The following VPS37A variants were observed in gnomAD, a reference collection of about 807,000 sequenced individuals.
VPS37A encodes the protein VPS37A subunit of ESCRT-I, also known as vacuolar protein sorting-associated protein 37A.
VPS37A carries 30 observed loss-of-function variants against 49.8 expected under a neutral mutation model. The ratio of observed to expected loss-of-function variants is 0.60; its 90% CI spans 0.45 to 0.82. The LOEUF (loss-of-function observed/expected upper bound fraction) is 0.82. VPS37A is among the 40% of genes least tolerant of loss of function. The pLI is 0.00. For missense variants in VPS37A, 593 were observed against 464.4 expected (o/e 1.28, Z -2.55); for synonymous variants, 195 against 160.6 (o/e 1.21, Z -1.62).
intron 11 of VPS37A, among the ~76,000 whole-genome samples, chr8:17,294,423 T>C (rs1468687166): frequency 6.6e-6 from 1 of 152,176 alleles, no homozygotes; most frequent in Non-Finnish European, 1.5e-5. Context: ...CAAGACCATT[T>C]GGCTCCCTGG....
downstream of VPS37A, chr8:17,298,546 A>T (rs192888656): frequency 2.1e-3 from 320 of 152,470 alleles, 1 homozygote; most frequent in Non-Finnish European, 2.3e-3. Flanking sequence ...TTCTCCCATT[A>T]AAAAAAATCA....
downstream of VPS37A, chr8:17,302,267 T>A: frequency 6.2e-7 from 1 of 1,613,448 alleles, no homozygotes; most frequent in South Asian, 1.1e-5. Context: ...CGGTTATACA[T>A]TCCACTCCAA....
intron 11 of VPS37A, among the ~76,000 whole-genome samples, chr8:17,292,390 C>A (rs1380912358): frequency 6.6e-6 from 1 of 152,148 alleles, no homozygotes; most frequent in African/African-American, 2.4e-5. Context: ...TTCCTGAATA[C>A]AGCATACTGA....
chr8:17,308,362 G>C, the VPS37A span, among the ~76,000 whole-genome samples: 1 of 151,998 alleles, frequency 6.6e-6, no homozygotes, highest in African/African-American at 2.4e-5. Flanking sequence ...TTATCTAATT[G>C]GGGGCTTTAA....
chr8:17,300,094 C>T (rs760329234), downstream of VPS37A: 17 of 1,614,132 alleles, frequency 1.1e-5, no homozygotes, highest in Non-Finnish European at 1.4e-5. Context: ...TTTCATATTC[C>T]CACTGTAATC....
chr8:17,307,004 A>T (rs1260951930), downstream of VPS37A, among the ~76,000 whole-genome samples: 2 of 152,244 alleles, frequency 1.3e-5, no homozygotes, highest in Non-Finnish European at 2.9e-5. Flanking sequence ...CTAAAACACC[A>T]AAAGCAATGG....
intron 1 of VPS37A, among the ~76,000 whole-genome samples, chr8:17,251,212 G>C (rs1311973439): frequency 1.3e-5 from 2 of 152,122 alleles, no homozygotes; most frequent in Non-Finnish European, 2.9e-5. Context: ...CAGGACTCTT[G>C]GTTAGTGGGA....
intron 2 of VPS37A, among the ~76,000 whole-genome samples, chr8:17,267,467 T>TTGAG (rs1813577120): frequency 6.6e-6 from 1 of 151,322 alleles, no homozygotes; most frequent in Admixed American, 6.6e-5. Flanking sequence ...AAATTTCTGC[T>TTGAG]TGTGTGTGTG....
intron 1 of VPS37A, among the ~76,000 whole-genome samples, chr8:17,252,784 A>T (rs562699591): frequency 6.6e-5 from 10 of 152,222 alleles, no homozygotes; most frequent in Non-Finnish European, 1.3e-4. Flanking sequence ...AAACTTCTTT[A>T]TGGAAGGAAA....
At chr8:17,283,190 C>G (rs562060495) in intron 9 of VPS37A, among the ~76,000 whole-genome samples, 143 of 151,966 alleles carry the variant, frequency 9.4e-4, no homozygotes, top group Admixed American at 2.6e-3. Flanking sequence ...TTTTCTTACT[C>G]TGTCACCCAG....
At chr8:17,276,329 T>C (rs1563269254) in intron 5 of VPS37A, 68 bp from the exon 6 acceptor site, 1 of 1,246,378 alleles carries the variant, frequency 8.0e-7, no homozygotes, top group East Asian at 2.4e-5. Context: ...AAAGATTACG[T>C]TTATTAGTAA....
In VPS37A at chr8:17,280,066, T is replaced by C. The variant is rs1814897044; in HGVS notation, c.752T>C (p.Val251Ala). The change falls in exon 7 of 12, where the codon GTA (valine) becomes GCA (alanine). Residue 251 changes from valine to alanine, a missense_variant. By Grantham distance (64) the Val-to-Ala change is moderately conservative. Coordinates refer to ENST00000324849, the MANE Select transcript of VPS37A (RefSeq NM_152415.3). ...QLTDMNEQEE[V>A]LLEQFLTLPQ... ...ACAGATATGAATGAACAAGAGGAGG[T>C]ATTACTAGAACAGTTTCTGACTTTG... is the stretch of plus-strand genomic sequence containing the variant. 1 of 1,612,292 alleles carries C rather than the reference T, an allele frequency of 6.2e-7. No homozygotes were observed. The highest frequency in any genetic ancestry group is 8.5e-7 in the Non-Finnish European group (1 of 1,179,190).
rs755488554 is a variant in VPS37A, at chr8:17,286,342, T to C, written c.1114-5T>C. 9 of 1,611,860 alleles carry C rather than the reference T, an allele frequency of 5.6e-6. No homozygotes were observed. The highest frequency in any genetic ancestry group is 6.8e-6 in the Non-Finnish European group (8 of 1,179,054). On this transcript the variant is annotated splice_region_variant and splice_polypyrimidine_tract_variant and intron_variant, in intron 10 of 11. Transcript: ENST00000324849. ...GACTGGTATTTTCAAAAATTTATTT[T>C]CTAGATTTGCCACTGTAGAAGAGCC...
intron 6 of VPS37A, 98 bp from the exon 7 acceptor site, chr8:17,279,930 C>T (rs749377265): frequency 2.7e-6 from 4 of 1,486,932 alleles, no homozygotes; most frequent in East Asian, 2.3e-5. Flanking sequence ...TTATTTAGAA[C>T]CCTATCAGTT....
intron 1 of VPS37A, among the ~76,000 whole-genome samples, chr8:17,257,338 C>G (rs1483618973): frequency 3.9e-5 from 6 of 152,128 alleles, no homozygotes; most frequent in Non-Finnish European, 7.3e-5. Flanking sequence ...AATTTTGAAG[C>G]TGGATAGATA....
the VPS37A span, among the ~76,000 whole-genome samples, chr8:17,320,011 A>C: frequency 6.6e-6 from 1 of 152,230 alleles, no homozygotes; most frequent in South Asian, 2.1e-4. Flanking sequence ...CAAATTTTAA[A>C]GGCATGCTAC....
intron 1 of VPS37A, chr8:17,247,613 G>C (rs577966865): frequency 5.8e-5 from 41 of 706,520 alleles, no homozygotes; most frequent in South Asian, 5.2e-4. Context: ...CATCCCTCCT[G>C]ACACATAGCT....
chr8:17,266,985 C>G (rs192463605), intron 2 of VPS37A, among the ~76,000 whole-genome samples: 15 of 152,136 alleles, frequency 9.9e-5, no homozygotes, highest in African/African-American at 3.6e-4. Flanking sequence ...GTTGGTCAGG[C>G]TGGTCTCGAA....
downstream of VPS37A, among the ~76,000 whole-genome samples, chr8:17,306,299 A>G (rs1817451600): frequency 2.6e-5 from 4 of 152,162 alleles, no homozygotes; most frequent in Admixed American, 2.0e-4. Flanking sequence ...GTTGCACTTT[A>G]TGAGCGGGTG....
Sources: allele counts gnomAD v4.1 joint callset (sites outside exome capture counted in the v4.1 genomes callset), GRCh38; gene constraint gnomAD v4.1.1; transcripts MANE v1.5; gene names NCBI Gene and HGNC (gene_info 2026-07-23, HGNC 2026-07-21).